LRBA: variants seen among roughly 807,000 people sequenced by gnomAD.
LRBA encodes lipopolysaccharide-responsive and beige-like anchor protein.
LRBA carries 176 observed loss-of-function variants against 330.0 expected under a neutral mutation model. That is an observed-to-expected ratio of 0.53 (90% CI 0.47 to 0.60). LRBA has a LOEUF of 0.60. LRBA is among the 20% of genes least tolerant of loss of function. LRBA has a pLI of 0.00. For missense variants in LRBA, 3,259 were observed against 3,444.8 expected (o/e 0.95, Z 1.35); for synonymous variants, 1,230 against 1,193.0 (o/e 1.03, Z -0.64).
chr4:150,864,644 CTTTTTTTTTTTT>C (rs34280757), intron 22 of LRBA, among the ~76,000 whole-genome samples: 2 of 118,430 alleles, frequency 1.7e-5, no homozygotes, highest in African/African-American at 3.1e-5. Context: ...GGCCCACGTT[CTTTTTTTTTTTT>C]TTTTTTTTGA....
At chr4:150,367,498 G>T (rs544658932) in intron 47 of LRBA, among the ~76,000 whole-genome samples, 36 of 152,152 alleles carry the variant, frequency 2.4e-4, no homozygotes, top group Non-Finnish European at 5.0e-4. Flanking sequence ...TTCTGTACCT[G>T]CTGAGTTAAT....
chr4:150,356,396 C>A (rs1737852206), intron 47 of LRBA, among the ~76,000 whole-genome samples: 1 of 152,006 alleles, frequency 6.6e-6, no homozygotes, highest in South Asian at 2.1e-4. Flanking sequence ...TCCTGTCCCC[C>A]TAATAAGATG....
chr4:150,528,598 A>G (rs952840329), intron 40 of LRBA, among the ~76,000 whole-genome samples: 12 of 151,962 alleles, frequency 7.9e-5, no homozygotes, highest in Non-Finnish European at 1.3e-4. Context: ...GCATAAGCCC[A>G]CCCCCTCTCC....
At chr4:150,912,584 G>T (rs1312262636) in intron 9 of LRBA, among the ~76,000 whole-genome samples, 4 of 152,108 alleles carry the variant, frequency 2.6e-5, no homozygotes. Flanking sequence ...TAATGCACTT[G>T]AATCATCCCG....
chr4:150,480,244 CTA>C (rs1757148526), intron 42 of LRBA, among the ~76,000 whole-genome samples: 1 of 152,114 alleles, frequency 6.6e-6, no homozygotes, highest in Non-Finnish European at 1.5e-5. Flanking sequence ...TCCCAATACC[CTA>C]TACCATGAGA....
At chr4:150,694,790 G>T (rs1461117774) in intron 36 of LRBA, among the ~76,000 whole-genome samples, 3 of 151,788 alleles carry the variant, frequency 2.0e-5, no homozygotes, top group Non-Finnish European at 4.4e-5. Context: ...GATACAACAT[G>T]TTGGGTTCTT....
At chr4:150,717,849 T>C (rs1336984430) in intron 36 of LRBA, among the ~76,000 whole-genome samples, 2 of 151,884 alleles carry the variant, frequency 1.3e-5, no homozygotes, top group Non-Finnish European at 2.9e-5. Context: ...CAAAGCAACA[T>C]TGGCCCAAAG....
chr4:150,631,188 A>G (rs1777342317), intron 37 of LRBA, among the ~76,000 whole-genome samples: 1 of 152,044 alleles, frequency 6.6e-6, no homozygotes. Context: ...ATCTTTAAAA[A>G]AAAAAAAGTA....
chr4:150,894,708 A>C (rs1021790939), intron 16 of LRBA, among the ~76,000 whole-genome samples: 2 of 152,206 alleles, frequency 1.3e-5, no homozygotes, highest in African/African-American at 4.8e-5. Flanking sequence ...TGAATCATTG[A>C]AAGTGTTATT....
At chr4:150,334,513 T>TAA (rs1353179436) in intron 48 of LRBA, among the ~76,000 whole-genome samples, 10 of 152,116 alleles carry the variant, frequency 6.6e-5, no homozygotes, top group Admixed American at 2.0e-4. Context: ...TATATATATA[T>TAA]AACACACATA....
intron 36 of LRBA, among the ~76,000 whole-genome samples, chr4:150,703,641 G>C (rs149670121): frequency 6.6e-6 from 1 of 152,254 alleles, no homozygotes; most frequent in East Asian, 1.9e-4. Flanking sequence ...AATTGCTAAT[G>C]TAACGTCCAT....
chr4:150,683,529 A>T (rs1272173902), intron 37 of LRBA, 22 bp downstream of exon 37: 52 of 1,603,396 alleles, frequency 3.2e-5, no homozygotes, highest in Non-Finnish European at 4.4e-5. Context: ...TCAGTGGCCA[A>T]ATCCTAAAGG....
intron 46 of LRBA, among the ~76,000 whole-genome samples, chr4:150,415,895 A>C (rs1300907667): frequency 6.6e-6 from 1 of 152,240 alleles, no homozygotes; most frequent in East Asian, 1.9e-4. Flanking sequence ...GACAAGATAT[A>C]AACATAAATT....
At chr4:150,560,789 C>G (rs1393180631) in intron 40 of LRBA, among the ~76,000 whole-genome samples, 1 of 152,110 alleles carries the variant, frequency 6.6e-6, no homozygotes, top group Non-Finnish European at 1.5e-5. Context: ...GAGTTCAAGA[C>G]CAGGCTGACC....
intron 47 of LRBA, among the ~76,000 whole-genome samples, chr4:150,373,227 A>G (rs1446376190): frequency 6.7e-6 from 1 of 150,252 alleles, no homozygotes; most frequent in Non-Finnish European, 1.5e-5. Flanking sequence ...CACCTAGCTA[A>G]GCCACTCTCA....
At chr4:150,433,313 A>C (rs967768103) in intron 46 of LRBA, among the ~76,000 whole-genome samples, 3 of 152,112 alleles carry the variant, frequency 2.0e-5, no homozygotes, top group Non-Finnish European at 2.9e-5. Flanking sequence ...AGAGAAAATG[A>C]AACCAGACAC....
chr4:150,421,286 C>A (rs945733271), intron 46 of LRBA, among the ~76,000 whole-genome samples: 1 of 139,236 alleles, frequency 7.2e-6, no homozygotes, highest in African/African-American at 2.6e-5. Context: ...TAAATATATA[C>A]TTATACATAT....
At position 150,310,263 on chromosome 4, in the gene LRBA, C is replaced by A. The variant is rs1390490132; in HGVS notation, c.7815G>T (p.Trp2605Cys). 5 of 1,612,446 alleles carry A rather than the reference C, an allele frequency of 3.1e-6. No homozygotes were observed. The highest frequency in any genetic ancestry group is 3.4e-6 in the Non-Finnish European group (4 of 1,178,884). The change falls in exon 52 of 57, where the codon TGG becomes TGT. Residue 2605 changes from tryptophan to cysteine, a missense_variant. Trp to Cys is a radical substitution (Grantham distance 215). Transcript: ENST00000651943. ...DNRYILVCGFWDKSFRVYSTD... is the reference protein window; with the variant it reads ...DNRYILVCGFCDKSFRVYSTD... ...TAGAATAGACTCTGAAACTTTTATC[C>A]CAGAAGCCACAGACGAGAATATAGC...
intron 40 of LRBA, among the ~76,000 whole-genome samples, chr4:150,500,629 A>T (rs966165801): frequency 1.3e-5 from 2 of 152,184 alleles, no homozygotes; most frequent in Non-Finnish European, 2.9e-5. Context: ...GTATGAACTA[A>T]ATCTTCAAGT....
Sources: gnomAD v4.1 joint callset for allele counts (sites outside exome capture counted in the v4.1 genomes callset) on GRCh38, gnomAD v4.1.1 for gene constraint, MANE v1.5 for transcripts, NCBI Gene and HGNC (gene_info 2026-07-23, HGNC 2026-07-21) for gene names.